The following PDS5A variants were observed in gnomAD, a reference collection of about 807,000 sequenced individuals.
The protein encoded by PDS5A is PDS5 cohesin associated factor A.
A neutral mutation model predicts 167.1 loss-of-function variants in PDS5A; 42 were observed. The ratio of observed to expected loss-of-function variants is 0.25; its 90% CI spans 0.20 to 0.33. PDS5A has a LOEUF of 0.33. Ranked by LOEUF, PDS5A falls within the 10% of genes least tolerant of loss-of-function variation. The pLI, the probability that PDS5A is intolerant of heterozygous loss-of-function variation, is 1.00. For missense variants in PDS5A, 1,033 were observed against 1,605.9 expected (o/e 0.64, Z 6.10); for synonymous variants, 553 against 554.6 (o/e 1.00, Z 0.04).
intron 18 of PDS5A, 88 bp downstream of exon 18, chr4:39,879,640 G>T: frequency 1.5e-6 from 1 of 675,750 alleles, no homozygotes. Context: ...AGTTTCCTGT[G>T]AAATAAGCCT....
chr4:39,865,089 C>T (rs970227597), intron 23 of PDS5A, among the ~76,000 whole-genome samples: 22 of 151,928 alleles, frequency 1.4e-4, no homozygotes, highest in African/African-American at 5.1e-4. Context: ...AATGAAGGAA[C>T]CCATTTCCAT....
chr4:39,883,672 G>A lies in PDS5A; in HGVS notation c.1887-3839C>T, dbSNP rs188109352. Among the ~76,000 whole-genome samples, 75 of 152,004 alleles carry A rather than the reference G, an allele frequency of 4.9e-4. No individual in the cohort carries two copies. In the East Asian group the frequency reaches 0.013, roughly 27 times the overall value. ...TTTTTTTGAGACACAGTCTCATTCT[G>A]TTGCCCAGGAGAGAGTGAAGTGCCG... is the stretch of plus-strand genomic sequence containing the variant. On this transcript the variant is annotated intron_variant, in intron 17 of 32. Transcript: ENST00000303538.
At chr4:39,918,642 T>C (rs1490925612) in intron 7 of PDS5A, among the ~76,000 whole-genome samples, 1 of 152,004 alleles carries the variant, frequency 6.6e-6, no homozygotes, top group Non-Finnish European at 1.5e-5. Context: ...TTACCTGAGG[T>C]CAGGAGTTCA....
intron 9 of PDS5A, 25 bp downstream of exon 9, chr4:39,913,586 A>G: frequency 1.6e-6 from 2 of 1,248,680 alleles, no homozygotes; most frequent in Non-Finnish European, 2.4e-6. Context: ...TAAAATATAA[A>G]CATCAGAATT....
At chr4:39,952,379 G>A (rs911909330) in intron 2 of PDS5A, among the ~76,000 whole-genome samples, 16 of 152,154 alleles carry the variant, frequency 1.1e-4, no homozygotes, top group African/African-American at 3.9e-4. Flanking sequence ...CTTTACATAT[G>A]TAAGAAGGTG....
At chr4:39,920,099 A>G (rs1175662237) in intron 7 of PDS5A, among the ~76,000 whole-genome samples, 1 of 152,178 alleles carries the variant, frequency 6.6e-6, no homozygotes, top group Non-Finnish European at 1.5e-5. Context: ...ACAAATGCAG[A>G]TAAGGGGATG....
chr4:39,968,591 C>A (rs1279344348), intron 2 of PDS5A, among the ~76,000 whole-genome samples: 1 of 151,664 alleles, frequency 6.6e-6, no homozygotes, highest in Non-Finnish European at 1.5e-5. Context: ...CGCCACCACA[C>A]CCGGCTAATT....
intron 5 of PDS5A, among the ~76,000 whole-genome samples, chr4:39,923,652 C>A (rs6837137): frequency 1.0e-4 from 8 of 80,094 alleles, no homozygotes; most frequent in South Asian, 6.7e-4. Flanking sequence ...CACACACACA[C>A]ACACACACAC....
chr4:39,926,878 C>G lies in PDS5A; in HGVS notation c.343-17G>C, dbSNP rs781106397. 1 of 1,312,092 alleles carries G rather than the reference C, an allele frequency of 7.6e-7. No homozygotes were observed. Among genetic ancestry groups the G allele is most frequent in the Non-Finnish European group, 1.0e-6 (1 of 999,848 alleles). The allele number at this position is 1,312,092 out of a possible 1,614,324, so 81.3% of individuals were successfully genotyped here. On this transcript the variant is annotated splice_polypyrimidine_tract_variant and intron_variant, in intron 3 of 32. Transcript: ENST00000303538. Reference sequence around the variant, plus strand: ...AAATATGTCCTGTTAAAAAAAAAAACACATTAATTTAGACACAAATACTTT... The same window carrying G: ...AAATATGTCCTGTTAAAAAAAAAAAGACATTAATTTAGACACAAATACTTT...
chr4:39,844,676 A>C lies in PDS5A; in HGVS notation c.3528T>G (p.Pro1176=). ...SNINVNSELN[P]STGNRSREQS... ...GTTGCCTTGATCGATTTCCGGTTGA[A>C]GGGTTCAGCTCTGAATTTACATTAA... Residue 1176 remains proline (P), a synonymous_variant, in exon 30 of 33, where the codon CCT becomes CCG. Transcript: ENST00000303538. 2 of 1,607,622 alleles carry C rather than the reference A, an allele frequency of 1.2e-6. No homozygotes were observed. Among genetic ancestry groups the C allele is most frequent in the Non-Finnish European group, 1.7e-6 (2 of 1,178,284 alleles).
intron 21 of PDS5A, among the ~76,000 whole-genome samples, chr4:39,871,020 C>G (rs978702938): frequency 6.6e-6 from 1 of 152,148 alleles, no homozygotes; most frequent in Non-Finnish European, 1.5e-5. Context: ...CATACTACAA[C>G]ATGGAAGAGC....
At chr4:39,826,362 A>G (rs1715313424) in intron 32 of PDS5A, among the ~76,000 whole-genome samples, 2 of 152,036 alleles carry the variant, frequency 1.3e-5, no homozygotes, top group African/African-American at 2.4e-5. Flanking sequence ...GTTGGGATTG[A>G]CTTCATCAAT....
At chr4:39,867,774 A>ACACACCCCC (rs369419469) in intron 22 of PDS5A, among the ~76,000 whole-genome samples, 33 of 108,520 alleles carry the variant, frequency 3.0e-4, no homozygotes, top group Non-Finnish European at 4.9e-4. Context: ...ACACACACAC[A>ACACACCCCC]CCCCACAACT....
At chr4:39,865,869 T>C (rs1719401734) in intron 23 of PDS5A, among the ~76,000 whole-genome samples, 1 of 152,262 alleles carries the variant, frequency 6.6e-6, no homozygotes, top group South Asian at 2.1e-4. Flanking sequence ...ATATGTAGAA[T>C]ACTTTAGTTA....
At chr4:39,963,545 C>T (rs777459836) in intron 2 of PDS5A, among the ~76,000 whole-genome samples, 4 of 151,788 alleles carry the variant, frequency 2.6e-5, no homozygotes, top group Non-Finnish European at 5.9e-5. Flanking sequence ...ATTACATTTG[C>T]CAGTGGAAAT....
intron 2 of PDS5A, among the ~76,000 whole-genome samples, chr4:39,953,413 G>A (rs1186324390): frequency 6.7e-6 from 1 of 148,852 alleles, no homozygotes; most frequent in Non-Finnish European, 1.5e-5. Context: ...CATCAATGGT[G>A]AAGAATCAGT....
intron 2 of PDS5A, among the ~76,000 whole-genome samples, chr4:39,945,889 A>C (rs966973029): frequency 6.6e-5 from 10 of 152,150 alleles, no homozygotes; most frequent in African/African-American, 2.4e-4. Context: ...TCTAAGGTTA[A>C]ACGGATTAAG....
intron 21 of PDS5A, among the ~76,000 whole-genome samples, chr4:39,872,088 A>C (rs532344957): frequency 2.6e-5 from 4 of 152,276 alleles, no homozygotes; most frequent in African/African-American, 9.6e-5. Context: ...AGAGGTAATA[A>C]ATCAGAGCAC....
chr4:39,969,173 T>C (rs920976194), intron 2 of PDS5A, among the ~76,000 whole-genome samples: 2 of 152,260 alleles, frequency 1.3e-5, no homozygotes, highest in Non-Finnish European at 1.5e-5. Context: ...AATATATAAT[T>C]GTAACTTCTA....
Sources: gnomAD v4.1 joint callset for allele counts (sites outside exome capture counted in the v4.1 genomes callset) on GRCh38, gnomAD v4.1.1 for gene constraint, MANE v1.5 for transcripts, NCBI Gene and HGNC (gene_info 2026-07-23, HGNC 2026-07-21) for gene names.